CASD1: variants seen among roughly 807,000 people sequenced by gnomAD.
The protein encoded by CASD1 is N-acetylneuraminate (7)9-O-acetyltransferase.
A neutral mutation model predicts 100.0 loss-of-function variants in CASD1; 41 were observed. The observed-to-expected ratio is 0.41, with a 90% CI of 0.32 to 0.53. The LOEUF is 0.53. Ranked by LOEUF, CASD1 falls within the 20% of genes least tolerant of loss-of-function variation. The pLI is 0.25. For synonymous variants in CASD1, 321 were observed against 315.6 expected (o/e 1.02, Z -0.18); for missense variants, 774 against 948.7 (o/e 0.82, Z 2.42).
chr7:94,573,160 GT>G, the CASD1 span, among the ~76,000 whole-genome samples: 5 of 152,150 alleles, frequency 3.3e-5, no homozygotes, highest in Non-Finnish European at 7.4e-5. Flanking sequence ...AGGTAACACA[GT>G]GCCTCCAGCA....
intron 3 of CASD1, among the ~76,000 whole-genome samples, chr7:94,525,112 G>GA (rs1794492652): frequency 6.6e-6 from 1 of 152,154 alleles, no homozygotes; most frequent in Non-Finnish European, 1.5e-5. Flanking sequence ...CAGCAAAAGA[G>GA]AAAAACTATA....
chr7:94,581,214 A>G, the CASD1 span, among the ~76,000 whole-genome samples: 3 of 152,324 alleles, frequency 2.0e-5, no homozygotes, highest in South Asian at 6.2e-4. Flanking sequence ...CTCTTAGAAC[A>G]TATCGTCAAG....
the CASD1 span, among the ~76,000 whole-genome samples, chr7:94,582,863 C>T: frequency 6.6e-6 from 1 of 152,190 alleles, no homozygotes. Context: ...TAATTTGGCT[C>T]ACCATTGCAT....
rs1794992599 is a variant in CASD1 at position 94,534,141 on chromosome 7, A to C, written c.628+339A>C. Among the ~76,000 whole-genome samples the C allele has an allele frequency of 3.3e-5, 5 of 151,182 alleles. No homozygotes were observed. In the South Asian group the frequency reaches 1.0e-3, roughly 32 times the overall value. On this transcript the variant is annotated intron_variant, in intron 7 of 17. Coordinates refer to ENST00000297273, the MANE Select transcript of CASD1 (RefSeq NM_022900.5). Reference sequence around the variant, plus strand: ...TTGTGATTGGGAAATATATACAAAAAATATTATCTGTTTCATAATTTTTTT... The same window carrying C: ...TTGTGATTGGGAAATATATACAAAACATATTATCTGTTTCATAATTTTTTT...
chr7:94,573,573 A>G, the CASD1 span, among the ~76,000 whole-genome samples: 2 of 152,052 alleles, frequency 1.3e-5, no homozygotes, highest in African/African-American at 4.8e-5. Context: ...TTGTACATTG[A>G]TTTTGTATCC....
intron 8 of CASD1, among the ~76,000 whole-genome samples, chr7:94,536,805 C>A (rs987982684): frequency 6.6e-6 from 1 of 152,194 alleles, no homozygotes; most frequent in African/African-American, 2.4e-5. Flanking sequence ...TAGACAGACT[C>A]AACTTTCCCA....
rs1212130403 is a variant in CASD1 at position 94,518,919 on chromosome 7, T to TTAG, written c.351+597_351+598insAGT. Among the ~76,000 whole-genome samples, 3 of 152,272 alleles carry TTAG rather than the reference T, an allele frequency of 2.0e-5. No individual in the cohort carries two copies. In the East Asian group the frequency reaches 5.8e-4, roughly 29 times the overall value. On this transcript the variant is annotated intron_variant, in intron 3 of 17. Coordinates refer to ENST00000297273, the MANE Select transcript of CASD1 (RefSeq NM_022900.5). ...TTACTTCTTTGTGTGAAAACTTTGC[T>TTAG]TTTTAAATTATTTCCTTAGGGTGGA... is the stretch of plus-strand genomic sequence containing the variant.
intron 12 of CASD1, among the ~76,000 whole-genome samples, chr7:94,546,050 A>G (rs1020124478): frequency 6.6e-6 from 1 of 151,966 alleles, no homozygotes; most frequent in African/African-American, 2.4e-5. Flanking sequence ...GGGAAAGCCA[A>G]ATAGGCCTCC....
the CASD1 span, among the ~76,000 whole-genome samples, chr7:94,601,463 A>AAAAAG: frequency 1.4e-5 from 1 of 69,892 alleles, no homozygotes; most frequent in Non-Finnish European, 4.2e-5. Context: ...AAAAAAAAAA[A>AAAAAG]AAAAAAAAAA....
chr7:94,543,953 A>G (rs117174710), intron 10 of CASD1, among the ~76,000 whole-genome samples: 3,180 of 152,282 alleles, frequency 0.021, 51 homozygotes, highest in Non-Finnish European at 0.031. Flanking sequence ...TTGTAAAGTA[A>G]GAGTGGGAGG....
the CASD1 span, among the ~76,000 whole-genome samples, chr7:94,568,233 C>T: frequency 3.4e-4 from 51 of 151,976 alleles, no homozygotes; most frequent in Non-Finnish European, 2.9e-4. Context: ...CCATACATGT[C>T]TATGAATTTA....
chr7:94,545,814 A>C, intron 12 of CASD1, 113 bp downstream of exon 12: 1 of 598,752 alleles, frequency 1.7e-6, no homozygotes, highest in Non-Finnish European at 2.7e-6. Flanking sequence ...GTTTAAATTT[A>C]TATGTAGTTT....
intron 10 of CASD1, among the ~76,000 whole-genome samples, 167 bp downstream of exon 10, chr7:94,539,223 G>A (rs1795265798): frequency 6.6e-6 from 1 of 152,016 alleles, no homozygotes; most frequent in Admixed American, 6.6e-5. Context: ...TTGAGAAAAT[G>A]TAATTTTCAA....
At chr7:94,623,478 A>G in the CASD1 span, 3 of 891,370 alleles carry the variant, frequency 3.4e-6, no homozygotes, top group Non-Finnish European at 5.5e-6. Context: ...AATGAAAACA[A>G]ATTGTCATTC....
At chr7:94,606,941 A>G in the CASD1 span, among the ~76,000 whole-genome samples, 1 of 152,174 alleles carries the variant, frequency 6.6e-6, no homozygotes, top group African/African-American at 2.4e-5. Flanking sequence ...AACTTATCAA[A>G]ATGTTTACAA....
chr7:94,547,539 G>A (rs772042376), intron 13 of CASD1, among the ~76,000 whole-genome samples: 11 of 151,862 alleles, frequency 7.2e-5, no homozygotes, highest in Non-Finnish European at 1.3e-4. Context: ...TTGCATCAAA[G>A]TATTGATTTT....
At chr7:94,552,868 C>T (rs896934208) in intron 16 of CASD1, among the ~76,000 whole-genome samples, 3 of 152,070 alleles carry the variant, frequency 2.0e-5, no homozygotes, top group East Asian at 1.9e-4. Context: ...ACCCAGAAGG[C>T]GGAGGTTGCA....
the CASD1 span, among the ~76,000 whole-genome samples, chr7:94,578,097 A>C: frequency 6.6e-6 from 1 of 152,150 alleles, no homozygotes; most frequent in African/African-American, 2.4e-5. Context: ...CCCACCCTGG[A>C]TTGCTAAAAG....
chr7:94,551,341 GT>G lies in CASD1; in HGVS notation c.1823del (p.Phe608SerfsTer41). 1 of 1,534,150 alleles carries G rather than the reference GT, an allele frequency of 6.5e-7. No individual in the cohort carries two copies. Among genetic ancestry groups the G allele is most frequent in the Non-Finnish European group, 8.7e-7 (1 of 1,150,830 alleles). On this transcript the variant is annotated frameshift_variant, in exon 15 of 18. Coordinates refer to ENST00000297273, the MANE Select transcript of CASD1 (RefSeq NM_022900.5). LOFTEE classifies it high-confidence loss of function. Reference protein sequence around the residue: ...WFRWRLDRYVVFHGMLFAFIY... With the variant: ...WFRWRLDRYVXFHGMLFAFIY... The stretch of plus-strand genomic sequence containing the variant: ...ATTTTCTCTCTTTACTTTTCAGGTA[GT>G]TTTCCACGGAATGCTGTTTGCTTTT...
Sources: allele counts gnomAD v4.1 joint callset (sites outside exome capture counted in the v4.1 genomes callset), GRCh38; gene constraint gnomAD v4.1.1; transcripts MANE v1.5; gene names NCBI Gene and HGNC (gene_info 2026-07-23, HGNC 2026-07-21).